The following FAM193A variants were observed in gnomAD, a reference collection of about 807,000 sequenced individuals.
FAM193A encodes protein FAM193A.
Under a neutral mutation model 126.5 loss-of-function variants are expected in FAM193A, and 22 were observed. That is an observed-to-expected ratio of 0.17 (90% CI 0.12 to 0.25). The LOEUF (loss-of-function observed/expected upper bound fraction) is 0.25. Ranked by LOEUF, FAM193A falls within the 10% of genes least tolerant of loss-of-function variation. The pLI, the probability that FAM193A is intolerant of heterozygous loss-of-function variation, is 1.00. For missense variants in FAM193A, 1,675 were observed against 1,672.8 expected, an observed-to-expected ratio of 1.00 and a Z score of -0.02; for synonymous variants, 761 against 646.8, an observed-to-expected ratio of 1.18 and a Z score of -2.68.
At chr4:2,546,687 T>A (rs1173769809) in intron 1 of FAM193A, among the ~76,000 whole-genome samples, 1 of 152,122 alleles carries the variant, frequency 6.6e-6, no homozygotes, top group Non-Finnish European at 1.5e-5. Context: ...GACATTGGGG[T>A]TGTTTTGAGG....
Position 2,700,467 on chromosome 4 carries a change from T to A in FAM193A, c.4295T>A (p.Leu1432Gln). 1 of 1,614,208 alleles carries A rather than the reference T, an allele frequency of 6.2e-7. No homozygotes were observed. The highest frequency in any genetic ancestry group is 8.5e-7 in the Non-Finnish European group (1 of 1,180,038). ...GEHQQNSKLV[L>Q]AESPQPKGKN... Reference sequence around the variant, plus strand: ...CATCAGCAGAACAGCAAGCTGGTGCTGGCAGAGTCCCCTCAGCCAAAGGGC... The same window carrying A: ...CATCAGCAGAACAGCAAGCTGGTGCAGGCAGAGTCCCCTCAGCCAAAGGGC... Residue 1432 changes from leucine to glutamine, a missense_variant, in exon 19 of 21, where the codon CTG (leucine) becomes CAG (glutamine). Coordinates refer to ENST00000637812, the MANE Select transcript of FAM193A (RefSeq NM_001366318.2).
chr4:2,721,428 C>A (rs1399355520), intron 20 of FAM193A, among the ~76,000 whole-genome samples: 1 of 151,574 alleles, frequency 6.6e-6, no homozygotes, highest in African/African-American at 2.4e-5. Flanking sequence ...TTTGAAGCTT[C>A]AGTGAGCTAT....
intron 19 of FAM193A, among the ~76,000 whole-genome samples, chr4:2,709,688 C>A (rs1718701813): frequency 6.6e-6 from 1 of 152,028 alleles, no homozygotes. Flanking sequence ...CAGCCTGGGA[C>A]AGAGAGACTC....
At position 2,664,274 on chromosome 4, in the gene FAM193A, G is replaced by A. The variant is rs113392515; in HGVS notation, c.2079+986G>A. ...CAGCATTTAGTTATTGTGAGGTGAG[G>A]ATATAAATTCACCTTTTCTGCATAT... is the stretch of plus-strand genomic sequence containing the variant. On this transcript the variant is annotated intron_variant, in intron 12 of 20. Coordinates refer to ENST00000637812, the MANE Select transcript of FAM193A (RefSeq NM_001366318.2). 4.1e-3 allele frequency among the ~76,000 whole-genome samples: 620 copies of A among 152,264 alleles called. 5 individuals are homozygous for A. The highest frequency in any genetic ancestry group is 0.012 in the African/African-American group (508 of 41,544).
At chr4:2,687,625 A>G (rs1577206688) in intron 13 of FAM193A, among the ~76,000 whole-genome samples, 1 of 152,322 alleles carries the variant, frequency 6.6e-6, no homozygotes, top group Admixed American at 6.5e-5. Context: ...TGATAGCTCC[A>G]GAATTCCTCC....
chr4:2,668,741 A>T (rs1179572689), intron 12 of FAM193A, among the ~76,000 whole-genome samples: 1 of 152,188 alleles, frequency 6.6e-6, no homozygotes, highest in East Asian at 1.9e-4. Context: ...AAATGTATTT[A>T]TACAGTGCCT....
intron 20 of FAM193A, among the ~76,000 whole-genome samples, chr4:2,723,901 G>C (rs1720442125): frequency 6.6e-6 from 1 of 152,106 alleles, no homozygotes. Context: ...ACCAGGCCCA[G>C]GTGATCTTTC....
chr4:2,602,715 C>G (rs1046439546), intron 2 of FAM193A, among the ~76,000 whole-genome samples: 1 of 152,072 alleles, frequency 6.6e-6, no homozygotes, highest in East Asian at 1.9e-4. Context: ...GGCTGGAGTG[C>G]AGTGGCGCGA....
At chr4:2,626,939 G>A (rs531243261) in intron 4 of FAM193A, among the ~76,000 whole-genome samples, 10 of 152,092 alleles carry the variant, frequency 6.6e-5, no homozygotes, top group Admixed American at 3.3e-4. Flanking sequence ...GAGAAAGGCC[G>A]AGTTAGCCCA....
intron 5 of FAM193A, 81 bp from the exon 6 acceptor site, chr4:2,639,654 G>A: frequency 1.9e-6 from 2 of 1,068,874 alleles, no homozygotes; most frequent in Non-Finnish European, 2.6e-6. Context: ...ATGGGGAGGG[G>A]GGAGGGAATC....
At chr4:2,698,564 A>C (rs1420386582) in intron 18 of FAM193A, among the ~76,000 whole-genome samples, 1 of 152,258 alleles carries the variant, frequency 6.6e-6, no homozygotes, top group African/African-American at 2.4e-5. Flanking sequence ...TCAAAAGACA[A>C]GTCAATTTGC....
chr4:2,555,129 C>G (rs1738176485), intron 1 of FAM193A, among the ~76,000 whole-genome samples: 1 of 152,068 alleles, frequency 6.6e-6, no homozygotes, highest in South Asian at 2.1e-4. Context: ...TAGGATGCTG[C>G]TTTGCATTGT....
chr4:2,566,099 G>A (rs1191391410), intron 1 of FAM193A, among the ~76,000 whole-genome samples: 1 of 150,954 alleles, frequency 6.6e-6, no homozygotes, highest in Non-Finnish European at 1.5e-5. Flanking sequence ...CCAGACTGGA[G>A]TGCAGTGGCA....
At chr4:2,702,929 C>G (rs1165811904) in intron 19 of FAM193A, among the ~76,000 whole-genome samples, 4 of 152,078 alleles carry the variant, frequency 2.6e-5, no homozygotes, top group East Asian at 3.9e-4. Flanking sequence ...TTGCGTTTTT[C>G]CATTTGTGTT....
chr4:2,615,651 T>C (rs1166407132), intron 2 of FAM193A, among the ~76,000 whole-genome samples: 1 of 152,050 alleles, frequency 6.6e-6, no homozygotes, highest in Non-Finnish European at 1.5e-5. Flanking sequence ...CCCAAGTAGC[T>C]GGGACTACAG....
At chr4:2,629,035 G>A (rs1577098029) in intron 4 of FAM193A, among the ~76,000 whole-genome samples, 1 of 151,930 alleles carries the variant, frequency 6.6e-6, no homozygotes, top group Non-Finnish European at 1.5e-5. Flanking sequence ...TGTATTTTTA[G>A]TAGAGACAGG....
chr4:2,638,705 G>T (rs1744326695), intron 5 of FAM193A, among the ~76,000 whole-genome samples: 1 of 151,896 alleles, frequency 6.6e-6, no homozygotes, highest in Non-Finnish European at 1.5e-5. Context: ...TGTGTTTATA[G>T]GTGTTTACTT....
chr4:2,716,336 A>G (rs986231055), intron 20 of FAM193A, among the ~76,000 whole-genome samples: 3 of 152,144 alleles, frequency 2.0e-5, no homozygotes, highest in Non-Finnish European at 2.9e-5. Flanking sequence ...CTAGAAAAAT[A>G]GTTGATGGCA....
chr4:2,592,498 C>A (rs1407294142), intron 1 of FAM193A, among the ~76,000 whole-genome samples: 1 of 152,202 alleles, frequency 6.6e-6, no homozygotes, highest in East Asian at 1.9e-4. Flanking sequence ...AAACAAAGGA[C>A]CAAAAAAATG....
Sources: gnomAD v4.1 joint callset for allele counts (sites outside exome capture counted in the v4.1 genomes callset) on GRCh38, gnomAD v4.1.1 for gene constraint, MANE v1.5 for transcripts, NCBI Gene and HGNC (gene_info 2026-07-23, HGNC 2026-07-21) for gene names.